The following ZNF57 variants were observed in gnomAD, a reference collection of about 807,000 sequenced individuals.
The protein encoded by ZNF57 is zinc finger protein 57, also known as zinc finger protein 424.
In ZNF57, 11 loss-of-function variants were observed where a neutral mutation model predicts 13.4. The ratio of observed to expected loss-of-function variants is 0.82; its 90% CI spans 0.52 to 1.36. ZNF57 has a LOEUF of 1.36. Ranked by LOEUF, ZNF57 falls within the 40% of genes most tolerant of loss-of-function variation. ZNF57 has a pLI of 0.00. For missense variants in ZNF57, 696 were observed against 667.5 expected, an observed-to-expected ratio of 1.04 and a Z score of -0.47; for synonymous variants, 224 against 238.5, an observed-to-expected ratio of 0.94 and a Z score of 0.56.
At chr19:2,916,042 T>TA (rs757380594) in intron 2 of ZNF57, 36 bp from the exon 3 acceptor site, 5 of 1,596,956 alleles carry the variant, frequency 3.1e-6, no homozygotes, top group Middle Eastern at 1.7e-4. Context: ...ATACGTGTCT[T>TA]ATTCCTTTTG....
chr19:2,916,082 TG>T lies in ZNF57; in HGVS notation c.138del (p.Thr47LeufsTer38). On this transcript the variant is annotated frameshift_variant, in exon 3 of 4. Transcript: ENST00000306908. LOFTEE classifies it high-confidence loss of function. ...TTGTTTACTTTTTTGTTGCAGATGA[TG>T]GGACTCAATTTAAAGCCAATGGGTC... ...TFRNLASVDD[G>X]TQFKANGSVS... 1 of 1,608,354 alleles carries T rather than the reference TG, an allele frequency of 6.2e-7. No individual in the cohort carries two copies. The highest frequency in any genetic ancestry group is 1.3e-5 in the African/African-American group (1 of 74,650).
At chr19:2,914,592 C>G (rs1239362494) in intron 1 of ZNF57, among the ~76,000 whole-genome samples, 1 of 152,166 alleles carries the variant, frequency 6.6e-6, no homozygotes, top group Non-Finnish European at 1.5e-5. Context: ...CTAATGAAAC[C>G]TTTCAGTTGT....
Position 2,915,798 on chromosome 19 carries a change from G to T in ZNF57, c.130+150G>T, listed in dbSNP as rs1053541454. The T allele has an allele frequency of 1.4e-5, 18 of 1,266,702 alleles. 1 individual carries two copies. Among genetic ancestry groups the T allele is most frequent in the Non-Finnish European group, 1.8e-5 (16 of 882,374 alleles). 78.5% of individuals were successfully genotyped at this position (1,266,702 alleles called of 1,614,324 possible). ...AGAATCTAGTCATTATTCCCTAACA[G>T]TGAAAACATGTGTGAAACAGATGTT... On this transcript the variant is annotated intron_variant, in intron 2 of 3. Coordinates refer to ENST00000306908, the MANE Select transcript of ZNF57 (RefSeq NM_173480.3).
chr19:2,916,319 T>C, intron 3 of ZNF57, 70 bp downstream of exon 3: 1 of 1,355,852 alleles, frequency 7.4e-7, no homozygotes, highest in Non-Finnish European at 9.8e-7. Flanking sequence ...GCTCCAAATA[T>C]AAGCATTGCT....
chr19:2,900,981 T>A lies in ZNF57; in HGVS notation c.-65T>A. On this transcript the variant is annotated 5_prime_UTR_variant, in exon 1 of 4. Transcript: ENST00000306908. ...CGAGCGGCCCGGGAGTACCTGTACC[T>A]TTCAGCTGCGCCGGCCGCGAGGCCA... The A allele has an allele frequency of 1.3e-6, 2 of 1,548,660 alleles. No homozygotes were observed. The highest frequency in any genetic ancestry group is 1.7e-6 in the Non-Finnish European group (2 of 1,145,458).
rs960081945 is a variant in ZNF57, at chr19:2,917,972, G to A, written c.1351G>A (p.Glu451Lys). ...IHTQEQLHKC[E>K]HCGKAFTSSR... ...CACGCAAGAGCAGCTCCATAAATGT[G>A]AACACTGTGGGAAGGCCTTTACCTC... The change falls in exon 4 of 4, where the codon GAA becomes AAA. Residue 451 changes from glutamate (E) to lysine (K), a missense_variant. Coordinates refer to ENST00000306908, the MANE Select transcript of ZNF57 (RefSeq NM_173480.3). The A allele has an allele frequency of 6.2e-7, 1 of 1,613,092 alleles. No homozygotes were observed. Among genetic ancestry groups the A allele is most frequent in the Admixed American group, 1.7e-5 (1 of 59,812 alleles).
At chr19:2,912,361 C>T (rs1893989920) in intron 1 of ZNF57, 1 of 152,194 alleles carries the variant, frequency 6.6e-6, no homozygotes, top group Non-Finnish European at 1.5e-5. Flanking sequence ...TAGCCTATTT[C>T]AAAATCATTA....
rs1467708120 is a variant in ZNF57 at position 2,915,590 on chromosome 19, T to C, written c.72T>C (p.Ala24=). 3.1e-6 allele frequency: 5 copies of C among 1,613,960 alleles called. No individual in the cohort carries two copies. Among genetic ancestry groups the C allele is most frequent in the South Asian group, 1.1e-5 (1 of 91,082 alleles). ...AGGAGTGGGCTTTGCTGGATTCTGCTCAGAGGGACCTCTACAGAGATGTGA... is the reference window on the plus strand; with the variant it reads ...AGGAGTGGGCTTTGCTGGATTCTGCCCAGAGGGACCTCTACAGAGATGTGA... ...TLEEWALLDS[A]QRDLYRDVML... Residue 24 remains alanine, a synonymous_variant, in exon 2 of 4, where the codon GCT becomes GCC. Transcript: ENST00000306908.
At position 2,918,389 on chromosome 19, in the gene ZNF57, G is replaced by GTCTT; in HGVS notation, c.*102_*105dup. ...AGAGAAATCTTACAAGTATGATATT[G>GTCTT]TCTTTGTCAATACCTCATTTGTAAA... is the stretch of plus-strand genomic sequence containing the variant. On this transcript the variant is annotated 3_prime_UTR_variant, in exon 4 of 4. Coordinates refer to ENST00000306908, the MANE Select transcript of ZNF57 (RefSeq NM_173480.3). 7.5e-7 allele frequency: 1 copy of GTCTT among 1,327,556 alleles called. No individual in the cohort carries two copies. Among genetic ancestry groups the GTCTT allele is most frequent in the Non-Finnish European group, 1.0e-6 (1 of 979,340 alleles). The allele number at this position is 1,327,556 out of a possible 1,614,324, so 82.2% of individuals were successfully genotyped here.
chr19:2,907,185 A>C (rs1321317816), intron 1 of ZNF57: 1 of 152,216 alleles, frequency 6.6e-6, no homozygotes, highest in East Asian at 1.9e-4. Flanking sequence ...GTTCTCTCCA[A>C]AACCCAGATA....
Position 2,917,098 on chromosome 19 carries a change from C to T in ZNF57, c.477C>T (p.Val159=), listed in dbSNP as rs770033011. The T allele has an allele frequency of 5.6e-6, 9 of 1,614,096 alleles. No individual in the cohort carries two copies. In the South Asian group the frequency reaches 6.6e-5, roughly 12 times the overall value. ...ATCTTTCTTCTCTTAAAAGGCACGT[C>T]AAGTCTCACTGTGGACGAAAAGCAC... The part of the protein sequence containing the change: ...FTHLSSLKRH[V]KSHCGRKAPP... The change falls in exon 4 of 4, where the codon GTC becomes GTT. Residue 159 remains valine, a synonymous_variant. Coordinates refer to ENST00000306908, the MANE Select transcript of ZNF57 (RefSeq NM_173480.3).
chr19:2,907,399 G>A (rs896441263), intron 1 of ZNF57, among the ~76,000 whole-genome samples: 3 of 152,132 alleles, frequency 2.0e-5, no homozygotes, highest in Non-Finnish European at 4.4e-5. Context: ...TCTTCCGAAA[G>A]CGCAAATTAA....
At chr19:2,906,110 G>C (rs1039212733) in intron 1 of ZNF57, among the ~76,000 whole-genome samples, 1 of 152,164 alleles carries the variant, frequency 6.6e-6, no homozygotes, top group East Asian at 1.9e-4. Context: ...CTGGAGTGCA[G>C]TGATGCAATC....
chr19:2,915,685 G>A, intron 2 of ZNF57, 37 bp downstream of exon 2: 4 of 1,613,000 alleles, frequency 2.5e-6, no homozygotes, highest in Non-Finnish European at 3.4e-6. Context: ...GGTTTTTAAT[G>A]AACTCATTTC....
Position 2,916,144 on chromosome 19 carries a change from C to T in ZNF57, c.197C>T (p.Ser66Phe), listed in dbSNP as rs948183225. Reference sequence around the variant, plus strand: ...CAGGATATGTACGGGCAAGAAAAATCTAAGGAACAGACAATACCAAACTTC... The same window carrying T: ...CAGGATATGTACGGGCAAGAAAAATTTAAGGAACAGACAATACCAAACTTC... Reference protein sequence around the residue: ...SLQDMYGQEKSKEQTIPNFTG... With the variant: ...SLQDMYGQEKFKEQTIPNFTG... Residue 66 changes from serine (S) to phenylalanine (F), a missense_variant, in exon 3 of 4, where the codon TCT becomes TTT. Ser to Phe is a radical substitution (Grantham distance 155, BLOSUM62 -2). This residue lies in a region of ZNF57 where 8 missense variants were observed against 22.4 expected (regional missense o/e 0.36). Coordinates refer to ENST00000306908, the MANE Select transcript of ZNF57 (RefSeq NM_173480.3). The T allele has an allele frequency of 6.2e-7, 1 of 1,613,812 alleles. No homozygotes were observed. The highest frequency in any genetic ancestry group is 1.3e-5 in the African/African-American group (1 of 74,882).
intron 1 of ZNF57, 67 bp downstream of exon 1, chr19:2,901,115 CCGCCG>C: frequency 1.4e-6 from 2 of 1,392,662 alleles, no homozygotes; most frequent in Non-Finnish European, 9.4e-7. Flanking sequence ...GAACCAGAGT[CCGCCG>C]AAGTCTGCGG....
intron 1 of ZNF57, among the ~76,000 whole-genome samples, chr19:2,905,629 G>A (rs1489659275): frequency 6.6e-6 from 1 of 151,706 alleles, no homozygotes; most frequent in African/African-American, 2.4e-5. Flanking sequence ...GCCGGGTGTG[G>A]TGGTGGGCGC....
intron 1 of ZNF57, among the ~76,000 whole-genome samples, chr19:2,914,658 G>A (rs142738971): frequency 1.7e-3 from 259 of 152,258 alleles, no homozygotes; most frequent in African/African-American, 6.0e-3. Context: ...TCAATGCGAG[G>A]CTTATCAGAT....
intron 1 of ZNF57, chr19:2,915,287 C>T (rs983501727): frequency 2.2e-6 from 1 of 455,092 alleles, no homozygotes; most frequent in Admixed American, 3.7e-5. Flanking sequence ...CTAGACCCTC[C>T]TGGTAGAGGA....
Sources: allele counts gnomAD v4.1 joint callset (sites outside exome capture counted in the v4.1 genomes callset), GRCh38; gene constraint gnomAD v4.1.1; regional missense constraint gnomAD v4.1.1; transcripts MANE v1.5; gene names NCBI Gene and HGNC (gene_info 2026-07-23, HGNC 2026-07-21).